NOS1AP: variants seen among roughly 807,000 people sequenced by gnomAD.
NOS1AP encodes carboxyl-terminal PDZ ligand of neuronal nitric oxide synthase protein.
In NOS1AP, 21 loss-of-function variants were observed where a neutral mutation model predicts 56.2. That is an observed-to-expected ratio of 0.37 (90% CI 0.26 to 0.54). NOS1AP has a LOEUF of 0.54. Among genes scored for constraint, NOS1AP ranks in the 20% least tolerant of loss-of-function variants. The probability of loss-of-function intolerance (pLI) is 0.84; values close to 1 mark genes in which losing one functional copy is unlikely to be tolerated. For synonymous variants in NOS1AP, 270 were observed against 274.6 expected, an observed-to-expected ratio of 0.98 and a Z score of 0.17; for missense variants, 522 against 657.8, an observed-to-expected ratio of 0.79 and a Z score of 2.26.
intron 1 of NOS1AP, among the ~76,000 whole-genome samples, chr1:162,070,550 A>G (rs1193283210): frequency 1.3e-5 from 2 of 152,088 alleles, no homozygotes; most frequent in Non-Finnish European, 2.9e-5. Flanking sequence ...CCCGCCTAGG[A>G]CTGGATTGAG....
At chr1:162,200,432 C>G (rs539936793) in intron 2 of NOS1AP, among the ~76,000 whole-genome samples, 2 of 152,196 alleles carry the variant, frequency 1.3e-5, no homozygotes, top group Non-Finnish European at 2.9e-5. Flanking sequence ...GGGCTGCAGG[C>G]TACCAGCCTT....
intron 3 of NOS1AP, among the ~76,000 whole-genome samples, chr1:162,294,172 GTAGGAAGGAAGGAAGGAAGGAAGT>G (rs1655364358): frequency 7.5e-6 from 1 of 133,936 alleles, no homozygotes; most frequent in African/African-American, 2.8e-5. Context: ...AGGAAGGCAG[GTAGGAAGGAAGGAAGGAAGGAAGT>G]AAGGAAGGAA....
At chr1:162,303,541 G>A (rs1181823751) in intron 4 of NOS1AP, among the ~76,000 whole-genome samples, 4 of 152,124 alleles carry the variant, frequency 2.6e-5, no homozygotes, top group East Asian at 1.9e-4. Flanking sequence ...TTCTGGGCTC[G>A]AGCAATTCCC....
intron 2 of NOS1AP, among the ~76,000 whole-genome samples, chr1:162,221,947 G>C (rs1463756833): frequency 6.6e-6 from 1 of 152,016 alleles, no homozygotes; most frequent in Non-Finnish European, 1.5e-5. Flanking sequence ...CTGTTATATA[G>C]ATTAAATTAT....
chr1:162,200,918 T>C (rs1425944950), intron 2 of NOS1AP, among the ~76,000 whole-genome samples: 1 of 152,180 alleles, frequency 6.6e-6, no homozygotes, highest in African/African-American at 2.4e-5. Context: ...TTTTAAAACT[T>C]TTATTCTAAG....
chr1:162,326,097 CA>C (rs926287470), intron 4 of NOS1AP, among the ~76,000 whole-genome samples: 1 of 152,162 alleles, frequency 6.6e-6, no homozygotes, highest in African/African-American at 2.4e-5. Flanking sequence ...ATTCTCACTT[CA>C]ACGATTAAAA....
At chr1:162,116,740 TTTG>T (rs1199236799) in intron 1 of NOS1AP, among the ~76,000 whole-genome samples, 1 of 152,206 alleles carries the variant, frequency 6.6e-6, no homozygotes, top group Non-Finnish European at 1.5e-5. Context: ...GACATTTTGA[TTTG>T]TTGACTTTGA....
intron 1 of NOS1AP, among the ~76,000 whole-genome samples, chr1:162,138,620 GC>G (rs1649103623): frequency 6.6e-6 from 1 of 152,188 alleles, no homozygotes. Flanking sequence ...GCTCCTGTCT[GC>G]CTGGGGGCCA....
chr1:162,101,871 T>A (rs1647286427), intron 1 of NOS1AP, among the ~76,000 whole-genome samples: 1 of 152,170 alleles, frequency 6.6e-6, no homozygotes. Context: ...AGATATAGGA[T>A]CATGTCATCT....
chr1:162,324,120 T>C (rs1454810041), intron 4 of NOS1AP, among the ~76,000 whole-genome samples: 2 of 148,896 alleles, frequency 1.3e-5, no homozygotes, highest in African/African-American at 5.0e-5. Flanking sequence ...CTCTCTTTTT[T>C]CTGGCTCTGG....
chr1:162,132,900 C>A (rs4656353), intron 1 of NOS1AP, among the ~76,000 whole-genome samples: 147,628 of 152,284 alleles, frequency 0.97, 71,725 homozygotes, highest in East Asian at 1. Flanking sequence ...ACTTTGCCTG[C>A]ATGTGCCCCA....
At chr1:162,137,148 T>C (rs1333614993) in intron 1 of NOS1AP, among the ~76,000 whole-genome samples, 1 of 152,190 alleles carries the variant, frequency 6.6e-6, no homozygotes, top group East Asian at 1.9e-4. Context: ...TGGACCCCCC[T>C]GTCACAGATT....
chr1:162,212,854 ACT>A (rs1652418117), intron 2 of NOS1AP, among the ~76,000 whole-genome samples: 1 of 103,198 alleles, frequency 9.7e-6, no homozygotes, highest in Non-Finnish European at 2.0e-5. Context: ...TAGCTTCTGA[ACT>A]CTCTGTGGAG....
At chr1:162,307,449 GA>G (rs1393733332) in intron 4 of NOS1AP, among the ~76,000 whole-genome samples, 1 of 152,176 alleles carries the variant, frequency 6.6e-6, no homozygotes, top group Non-Finnish European at 1.5e-5. Flanking sequence ...TCTCCATTAG[GA>G]GTTCCAGCCA....
chr1:162,278,692 TG>T (rs1654824448), intron 2 of NOS1AP, among the ~76,000 whole-genome samples: 6 of 151,846 alleles, frequency 4.0e-5, no homozygotes, highest in Non-Finnish European at 8.8e-5. Flanking sequence ...TGTGTGTGTG[TG>T]TGTGTGTGTG....
chr1:162,091,658 A>G (rs978490447), intron 1 of NOS1AP, among the ~76,000 whole-genome samples: 1 of 152,186 alleles, frequency 6.6e-6, no homozygotes, highest in Admixed American at 6.5e-5. Flanking sequence ...AGAACATAGG[A>G]TAAGGAATGA....
chr1:162,189,447 C>G (rs1651548489), intron 2 of NOS1AP, among the ~76,000 whole-genome samples: 1 of 152,244 alleles, frequency 6.6e-6, no homozygotes, highest in Non-Finnish European at 1.5e-5. Context: ...AAAGAAAACA[C>G]CTTTGCATAC....
At chr1:162,170,111 T>G (rs1650692608) in intron 2 of NOS1AP, among the ~76,000 whole-genome samples, 1 of 152,224 alleles carries the variant, frequency 6.6e-6, no homozygotes, top group South Asian at 2.1e-4. Context: ...TTATAATTGT[T>G]TTTATGATTG....
At chr1:162,127,528 A>G (rs753605611) in intron 1 of NOS1AP, among the ~76,000 whole-genome samples, 2 of 130,664 alleles carry the variant, frequency 1.5e-5, no homozygotes, top group African/African-American at 3.3e-5. Flanking sequence ...GGTACTTTAT[A>G]AAAAAAAAAA....
Sources: allele counts gnomAD v4.1 joint callset (sites outside exome capture counted in the v4.1 genomes callset), GRCh38; gene constraint gnomAD v4.1.1; transcripts MANE v1.5; gene names NCBI Gene and HGNC (gene_info 2026-07-23, HGNC 2026-07-21).